KCNIP4: variants seen among roughly 807,000 people sequenced by gnomAD.
KCNIP4 encodes the protein Kv channel-interacting protein 4.
A neutral mutation model predicts 34.0 loss-of-function variants in KCNIP4; 12 were observed. The observed-to-expected ratio is 0.35, with a 90% CI of 0.23 to 0.57. KCNIP4 has a LOEUF of 0.57. KCNIP4 is among the 20% of genes least tolerant of loss of function. KCNIP4 has a pLI of 0.83. For missense variants in KCNIP4, 238 were observed against 311.7 expected, an observed-to-expected ratio of 0.76 and a Z score of 1.78; for synonymous variants, 124 against 102.2, an observed-to-expected ratio of 1.21 and a Z score of -1.29.
intron 1 of KCNIP4, among the ~76,000 whole-genome samples, chr4:21,411,775 C>T (rs1339085470): frequency 2.0e-5 from 3 of 152,104 alleles, no homozygotes; most frequent in East Asian, 3.9e-4. Flanking sequence ...GAGGTTGAGG[C>T]TGCAGTGAGC....
intron 1 of KCNIP4, among the ~76,000 whole-genome samples, chr4:21,734,831 C>T (rs986920641): frequency 1.3e-5 from 2 of 152,038 alleles, no homozygotes; most frequent in Non-Finnish European, 2.9e-5. Context: ...GGAGCAAAGC[C>T]AGGCTCTAAG....
intron 3 of KCNIP4, among the ~76,000 whole-genome samples, chr4:20,826,525 A>C (rs1717779281): frequency 6.6e-6 from 1 of 151,994 alleles, no homozygotes. Flanking sequence ...TCAAGTCTGC[A>C]GTGCGACATG....
intron 1 of KCNIP4, among the ~76,000 whole-genome samples, chr4:21,912,522 A>G (rs1728393043): frequency 2.6e-5 from 4 of 152,196 alleles, no homozygotes; most frequent in Non-Finnish European, 4.4e-5. Flanking sequence ...TGTTAGAGCT[A>G]TGACAGAAAT....
At chr4:21,726,891 G>A (rs115456520) in intron 1 of KCNIP4, among the ~76,000 whole-genome samples, 4,553 of 152,166 alleles carry the variant, frequency 0.03, 211 homozygotes, top group African/African-American at 0.1. Flanking sequence ...TTATCTTTCT[G>A]TAGATTTGGG....
chr4:21,467,291 AT>A (rs1730067772), intron 1 of KCNIP4, among the ~76,000 whole-genome samples: 3 of 152,176 alleles, frequency 2.0e-5, no homozygotes, highest in African/African-American at 7.2e-5. Context: ...TAATAAAAAA[AT>A]GTAGGTTTCC....
intron 1 of KCNIP4, among the ~76,000 whole-genome samples, chr4:21,434,116 C>T (rs1405822191): frequency 6.6e-6 from 1 of 152,198 alleles, no homozygotes; most frequent in African/African-American, 2.4e-5. Flanking sequence ...GATTCAAACC[C>T]AGATGCTGCT....
At chr4:21,428,372 C>T (rs1016089122) in intron 1 of KCNIP4, among the ~76,000 whole-genome samples, 8 of 152,148 alleles carry the variant, frequency 5.3e-5, no homozygotes, top group African/African-American at 1.7e-4. Context: ...GATAGAGTTC[C>T]ACAGCTGAGG....
At chr4:20,893,760 G>T (rs1351970209) in intron 1 of KCNIP4, among the ~76,000 whole-genome samples, 2 of 151,998 alleles carry the variant, frequency 1.3e-5, no homozygotes, top group Non-Finnish European at 2.9e-5. Flanking sequence ...TATGAGGTAA[G>T]CAGCCAAAGC....
chr4:21,608,768 C>A (rs1560558511), intron 1 of KCNIP4: 1 of 152,174 alleles, frequency 6.6e-6, no homozygotes, highest in Non-Finnish European at 1.5e-5. Context: ...GTCATTAGAT[C>A]TACATATGTC....
rs577216134 is a variant in KCNIP4 at position 21,370,679 on chromosome 4, A to G, written c.62-487970T>C. Among the ~76,000 whole-genome samples, 41 of 140,210 alleles carry G rather than the reference A, an allele frequency of 2.9e-4. 1 individual carries two copies. Among genetic ancestry groups the G allele is most frequent in the African/African-American group, 1.2e-3 (39 of 32,150 alleles). The allele number at this position is 140,210 out of a possible 152,430, so 92.0% of individuals were successfully genotyped here. On this transcript the variant is annotated intron_variant, in intron 1 of 8. Transcript: ENST00000382152. ...GACATATAAGCTCTGAAGCGCTGAG[A>G]GTGAGCCATTTGGGATATCTAGCAG...
chr4:21,906,181 G>A (rs1727991280), intron 1 of KCNIP4, among the ~76,000 whole-genome samples: 1 of 152,166 alleles, frequency 6.6e-6, no homozygotes, highest in African/African-American at 2.4e-5. Context: ...ATGTGATAAT[G>A]ACTCCCAAAG....
intron 1 of KCNIP4, among the ~76,000 whole-genome samples, chr4:21,225,766 G>A (rs1001298999): frequency 3.7e-4 from 57 of 152,200 alleles, no homozygotes; most frequent in African/African-American, 1.3e-3. Flanking sequence ...AGCCAGACTG[G>A]GGAAAACTGA....
chr4:21,452,531 C>T (rs1319526315), intron 1 of KCNIP4, among the ~76,000 whole-genome samples: 4 of 152,036 alleles, frequency 2.6e-5, no homozygotes, highest in Non-Finnish European at 5.9e-5. Context: ...TAACACCTCC[C>T]TCATAGGGCA....
At chr4:21,517,034 C>T (rs1734823021) in intron 1 of KCNIP4, among the ~76,000 whole-genome samples, 1 of 152,084 alleles carries the variant, frequency 6.6e-6, no homozygotes, top group Non-Finnish European at 1.5e-5. Flanking sequence ...TACAGCTCAT[C>T]CCAAGTCCAT....
At chr4:21,820,281 G>GTTTATATA (rs1485869715) in intron 1 of KCNIP4, among the ~76,000 whole-genome samples, 5 of 17,912 alleles carry the variant, frequency 2.8e-4, no homozygotes, top group African/African-American at 8.3e-4. Flanking sequence ...GTATGTGTGT[G>GTTTATATA]TGTGTATATA....
intron 1 of KCNIP4, among the ~76,000 whole-genome samples, chr4:21,715,436 A>T (rs544950197): frequency 1.3e-5 from 2 of 152,040 alleles, no homozygotes; most frequent in South Asian, 4.2e-4. Context: ...AGCCTGATGT[A>T]TTTTATTTTA....
At chr4:21,519,777 G>A (rs1354023346) in intron 1 of KCNIP4, among the ~76,000 whole-genome samples, 2 of 135,750 alleles carry the variant, frequency 1.5e-5, no homozygotes, top group African/African-American at 5.8e-5. Context: ...GTATACACAC[G>A]TGTGTGTATG....
chr4:21,301,609 G>A (rs1046461285), intron 1 of KCNIP4, among the ~76,000 whole-genome samples: 4 of 152,066 alleles, frequency 2.6e-5, no homozygotes, highest in African/African-American at 4.8e-5. Flanking sequence ...AAAAGAAATC[G>A]GAATGAAATG....
intron 1 of KCNIP4, among the ~76,000 whole-genome samples, chr4:21,013,123 C>T (rs1231066772): frequency 6.6e-6 from 1 of 152,092 alleles, no homozygotes; most frequent in Non-Finnish European, 1.5e-5. Flanking sequence ...TATTTCTGGA[C>T]AGCAGGAAAG....
Sources: allele counts gnomAD v4.1 joint callset (sites outside exome capture counted in the v4.1 genomes callset), GRCh38; gene constraint gnomAD v4.1.1; transcripts MANE v1.5; gene names NCBI Gene and HGNC (gene_info 2026-07-23, HGNC 2026-07-21).